The following PLCXD3 variants were observed in gnomAD, a reference collection of about 807,000 sequenced individuals.
The protein encoded by PLCXD3 is phosphatidylinositol specific phospholipase C X domain containing 3.
PLCXD3 carries 19 observed loss-of-function variants against 25.5 expected under a neutral mutation model. The observed-to-expected ratio is 0.75, with a 90% confidence interval of 0.52 to 1.09. The LOEUF (loss-of-function observed/expected upper bound fraction) is 1.09, where lower values mean the gene tolerates loss of function less well. Among genes scored for constraint, PLCXD3 ranks in the 50% least tolerant of loss-of-function variants. The pLI is 0.00. For missense variants in PLCXD3, 411 were observed against 388.1 expected, an observed-to-expected ratio of 1.06 and a Z score of -0.50; for synonymous variants, 174 against 137.6, an observed-to-expected ratio of 1.26 and a Z score of -1.85.
intron 2 of PLCXD3, among the ~76,000 whole-genome samples, chr5:41,361,714 A>G (rs1744785120): frequency 6.6e-6 from 1 of 152,260 alleles, no homozygotes; most frequent in Non-Finnish European, 1.5e-5. Context: ...ACACTCTTCT[A>G]GAAGCCACAT....
chr5:41,415,239 G>A (rs1250662815), intron 1 of PLCXD3, among the ~76,000 whole-genome samples: 7 of 152,074 alleles, frequency 4.6e-5, no homozygotes, highest in African/African-American at 7.2e-5. Flanking sequence ...TCTCAACACC[G>A]AATCCCCTGC....
intron 1 of PLCXD3, among the ~76,000 whole-genome samples, chr5:41,485,123 T>C (rs1388432207): frequency 1.3e-5 from 2 of 152,176 alleles, no homozygotes; most frequent in Non-Finnish European, 2.9e-5. Context: ...CACCAATTAT[T>C]TCATTTCATT....
intron 2 of PLCXD3, among the ~76,000 whole-genome samples, chr5:41,366,567 CA>C (rs1414315695): frequency 1.3e-5 from 2 of 152,188 alleles, no homozygotes; most frequent in African/African-American, 2.4e-5. Flanking sequence ...TACTTATTTT[CA>C]AACTATTTCA....
intron 1 of PLCXD3, among the ~76,000 whole-genome samples, chr5:41,486,776 C>A (rs950706455): frequency 6.6e-6 from 1 of 152,140 alleles, no homozygotes; most frequent in Non-Finnish European, 1.5e-5. Flanking sequence ...TGTATATTAT[C>A]CTCTTGAATT....
At chr5:41,381,782 T>C in intron 2 of PLCXD3, 44 bp downstream of exon 2, 1 of 1,483,866 alleles carries the variant, frequency 6.7e-7, no homozygotes, top group Non-Finnish European at 9.0e-7. Context: ...TAAATTCAAG[T>C]TAAATTATTT....
At chr5:41,397,178 T>TGGCA (rs1324384554) in intron 1 of PLCXD3, among the ~76,000 whole-genome samples, 4 of 152,172 alleles carry the variant, frequency 2.6e-5, no homozygotes, top group African/African-American at 9.6e-5. Context: ...GAGACCTTTG[T>TGGCA]GGCAGCCCCT....
At chr5:41,412,309 C>G (rs1221943907) in intron 1 of PLCXD3, among the ~76,000 whole-genome samples, 2 of 149,986 alleles carry the variant, frequency 1.3e-5, no homozygotes, top group Non-Finnish European at 3.0e-5. Flanking sequence ...GCCGTATATG[C>G]TAATAAATAC....
At chr5:41,388,919 A>G (rs1745723661) in intron 1 of PLCXD3, among the ~76,000 whole-genome samples, 1 of 151,458 alleles carries the variant, frequency 6.6e-6, no homozygotes, top group Admixed American at 6.6e-5. Flanking sequence ...TTAAAAAAAC[A>G]TATATTTTAT....
At chr5:41,496,370 A>G (rs1328983581) in intron 1 of PLCXD3, among the ~76,000 whole-genome samples, 1 of 152,048 alleles carries the variant, frequency 6.6e-6, no homozygotes, top group African/African-American at 2.4e-5. Flanking sequence ...AAGAAGCCCA[A>G]ATCTGAGGAA....
intron 1 of PLCXD3, among the ~76,000 whole-genome samples, chr5:41,390,154 A>G (rs1048541204): frequency 7.9e-5 from 12 of 152,268 alleles, no homozygotes; most frequent in African/African-American, 2.2e-4. Flanking sequence ...ATATTTTGAG[A>G]TTCATCCTAT....
intron 1 of PLCXD3, among the ~76,000 whole-genome samples, chr5:41,500,308 G>T (rs1748925589): frequency 6.6e-6 from 1 of 151,864 alleles, no homozygotes; most frequent in South Asian, 2.1e-4. Flanking sequence ...ATTATCGTAA[G>T]TGAAACAAGC....
At chr5:41,374,626 C>G (rs377202258) in intron 2 of PLCXD3, among the ~76,000 whole-genome samples, 2 of 151,908 alleles carry the variant, frequency 1.3e-5, no homozygotes, top group African/African-American at 2.4e-5. Flanking sequence ...GAGAGAGAGA[C>G]AGATCGAAGA....
At chr5:41,475,585 G>A (rs1193652718) in intron 1 of PLCXD3, 1 of 533,322 alleles carries the variant, frequency 1.9e-6, no homozygotes, top group Non-Finnish European at 3.9e-6. Flanking sequence ...TATCCCTGTA[G>A]GCCTCTTCAG....
At chr5:41,437,764 G>A (rs1300215324) in intron 1 of PLCXD3, among the ~76,000 whole-genome samples, 1 of 152,210 alleles carries the variant, frequency 6.6e-6, no homozygotes, top group East Asian at 1.9e-4. Flanking sequence ...AGCCACTGGA[G>A]AGGTTGGATT....
chr5:41,497,662 C>T (rs191361960), intron 1 of PLCXD3, among the ~76,000 whole-genome samples: 2 of 151,918 alleles, frequency 1.3e-5, no homozygotes, highest in Admixed American at 6.6e-5. Context: ...ACTTCAACTA[C>T]AGTTTAGACA....
chr5:41,457,147 T>G (rs1747771374), intron 1 of PLCXD3, among the ~76,000 whole-genome samples: 1 of 151,940 alleles, frequency 6.6e-6, no homozygotes, highest in African/African-American at 2.4e-5. Context: ...TCTAAACCCT[T>G]GAAATTCTGT....
chr5:41,493,002 C>T (rs184577617), intron 1 of PLCXD3, among the ~76,000 whole-genome samples: 37 of 152,340 alleles, frequency 2.4e-4, no homozygotes, highest in Middle Eastern at 3.4e-3. Flanking sequence ...GGAGGAGAGG[C>T]GCTCTGCTTT....
chr5:41,493,862 G>A (rs1748767279), intron 1 of PLCXD3, among the ~76,000 whole-genome samples: 1 of 152,210 alleles, frequency 6.6e-6, no homozygotes, highest in Admixed American at 6.5e-5. Context: ...GACTAGGAAA[G>A]GGAACTCCCT....
chr5:41,507,904 C>T (rs1488350991), intron 1 of PLCXD3, among the ~76,000 whole-genome samples: 3 of 152,332 alleles, frequency 2.0e-5, no homozygotes, highest in South Asian at 4.1e-4. Flanking sequence ...TCCAATTAGT[C>T]TTCTCTGACT....
Sources: allele counts gnomAD v4.1 joint callset (sites outside exome capture counted in the v4.1 genomes callset), GRCh38; gene constraint gnomAD v4.1.1; transcripts MANE v1.5; gene names NCBI Gene and HGNC (gene_info 2026-07-23, HGNC 2026-07-21).